Variants in TTN observed in about 807,000 individuals in gnomAD.
The protein encoded by TTN is connectin.
A neutral mutation model predicts 3,223.0 loss-of-function variants in TTN; 1,525 were observed. That is an observed-to-expected ratio of 0.47 (90% CI 0.45 to 0.49). The LOEUF (loss-of-function observed/expected upper bound fraction) is 0.49. Among genes scored for constraint, TTN ranks in the 20% least tolerant of loss-of-function variants. The pLI is 0.00. For synonymous variants in TTN, 14,094 were observed against 15,161.0 expected, an observed-to-expected ratio of 0.93 and a Z score of 5.17; for missense variants, 40,786 against 43,424.0, an observed-to-expected ratio of 0.94 and a Z score of 5.40.
chr2:178,596,840 G>C (rs6738296), intron 294 of TTN, among the ~76,000 whole-genome samples: 2 of 151,976 alleles, frequency 1.3e-5, no homozygotes, highest in African/African-American at 2.4e-5. Flanking sequence ...CGTGTTCTGA[G>C]CAAATCACTG....
rs1462816524 is a variant in TTN, at chr2:178,663,652, T to C, written c.36507A>G (p.Lys12169=). The C allele has an allele frequency of 1.2e-6, 2 of 1,613,550 alleles. No homozygotes were observed. Among genetic ancestry groups the C allele is most frequent in the Admixed American group, 3.3e-5 (2 of 59,942 alleles). Residue 12169 remains lysine (K), a synonymous_variant, in exon 171 of 363, where the codon AAA becomes AAG. Coordinates refer to ENST00000589042, the MANE Select transcript of TTN (RefSeq NM_001267550.2). ...PEKKAPVAPP[K]EPEVPPVKVP... is the part of the protein sequence containing the mutation. The stretch of plus-strand genomic sequence containing the variant: ...CTTTAACAGGTGGGACTTCAGGCTC[T>C]TTAGGAGGAGCCACTGGCGCTTTCT...
At chr2:178,644,527 A>G (rs542654658) in intron 218 of TTN, 21 bp downstream of exon 218, 5 of 1,556,700 alleles carry the variant, frequency 3.2e-6, no homozygotes, top group African/African-American at 2.8e-5. Context: ...ATAAGTATGT[A>G]TTTTTCAGCC....
At chr2:178,804,172 C>T (rs1575031492) in intron 2 of TTN, among the ~76,000 whole-genome samples, 1 of 152,318 alleles carries the variant, frequency 6.6e-6, no homozygotes, top group Admixed American at 6.5e-5. Context: ...CCCAGACTGC[C>T]TACCCCATGG....
In TTN at chr2:178,581,481, C is replaced by A; in HGVS notation, c.66769+18G>T. On this transcript the variant is annotated intron_variant, in intron 316 of 362. Coordinates refer to ENST00000589042, the MANE Select transcript of TTN (RefSeq NM_001267550.2). ...ATTAATAGGAAAAGCCTTATGTACT[C>A]CCCCTGGTAATACTTACTTAAGATG... The A allele has an allele frequency of 1.3e-6, 2 of 1,565,264 alleles. No homozygotes were observed. The highest frequency in any genetic ancestry group is 1.7e-6 in the Non-Finnish European group (2 of 1,151,672).
At position 178,746,132 on chromosome 2, in the gene TTN, T is replaced by A; in HGVS notation, c.11312-4211A>T. The A allele has an allele frequency of 1.2e-6, 2 of 1,613,490 alleles. No homozygotes were observed. Among genetic ancestry groups the A allele is most frequent in the Non-Finnish European group, 1.7e-6 (2 of 1,179,600 alleles). ...CTCGCTAATCACGTATTTAATATTA[T>A]CTGGCTCAATACACATATATTCTTT... On this transcript the variant is annotated intron_variant, in intron 47 of 362. Transcript: ENST00000589042.
In TTN at chr2:178,580,083, A is replaced by C; in HGVS notation, c.67204T>G (p.Ser22402Ala). Residue 22402 changes from serine to alanine, a missense_variant, in exon 318 of 363, where the codon TCT (serine) becomes GCT (alanine). Physicochemically the swap from Ser to Ala is moderately conservative, Grantham distance 99. Coordinates refer to ENST00000589042, the MANE Select transcript of TTN (RefSeq NM_001267550.2). ...QKRDAERKSW[S>A]TVTTECSKTS... ...TTGGAGCACTCAGTTGTCACTGTAGACCAGGATTTCCTCTCTGCATCACGT... is the reference window on the plus strand; with the variant it reads ...TTGGAGCACTCAGTTGTCACTGTAGCCCAGGATTTCCTCTCTGCATCACGT... 1 of 1,613,366 alleles carries C rather than the reference A, an allele frequency of 6.2e-7. No homozygotes were observed. Among genetic ancestry groups the C allele is most frequent in the Non-Finnish European group, 8.5e-7 (1 of 1,179,486 alleles).
At chr2:178,605,385 A>T (rs777241984) in intron 279 of TTN, 29 bp downstream of exon 279, 1 of 1,547,010 alleles carries the variant, frequency 6.5e-7, no homozygotes, top group Non-Finnish European at 8.7e-7. Flanking sequence ...AAAATGCATT[A>T]AAATTATTAT....
At position 178,777,214 on chromosome 2, in the gene TTN, G is replaced by C; in HGVS notation, c.4749C>G (p.Pro1583=). The C allele has an allele frequency of 6.2e-7, 1 of 1,614,082 alleles. No individual in the cohort carries two copies. The highest frequency in any genetic ancestry group is 8.5e-7 in the Non-Finnish European group (1 of 1,179,970). Residue 1583 remains proline (P), a synonymous_variant, in exon 27 of 363, where the codon CCC becomes CCG. Coordinates refer to ENST00000589042, the MANE Select transcript of TTN (RefSeq NM_001267550.2). ...LEMKVRATGN[P]NPDIVWLKNS... ...TTTTCAACCATACAATGTCAGGGTT[G>C]GGGTTACCCGTAGCTCTGACTTTCA...
Position 178,605,438 on chromosome 2 carries a change from T to C in TTN, c.53857A>G (p.Asn17953Asp). The C allele has an allele frequency of 6.2e-7, 1 of 1,606,442 alleles. No homozygotes were observed. The highest frequency in any genetic ancestry group is 1.7e-5 in the Admixed American group (1 of 59,564). ...IGESEPSLPL[N>D]VVIQDDEVPP... ...CCTTCATCATCTTGTATGACTACAT[T>C]AAGAGGTAGGGATGGTTCACTTTCA... Residue 17953 changes from asparagine to aspartate, a missense_variant, in exon 279 of 363, where the codon AAT becomes GAT. Coordinates refer to ENST00000589042, the MANE Select transcript of TTN (RefSeq NM_001267550.2).
At chr2:178,720,731 A>G (rs951179165) in intron 79 of TTN, 68 bp from the exon 80 acceptor site, 1 of 1,451,622 alleles carries the variant, frequency 6.9e-7, no homozygotes, top group Non-Finnish European at 9.1e-7. Context: ...AATTAAATCT[A>G]GAACCTTGAA....
intron 47 of TTN, chr2:178,749,966 T>C (rs767026640): frequency 5.0e-6 from 8 of 1,613,210 alleles, no homozygotes; most frequent in Non-Finnish European, 5.9e-6. Flanking sequence ...TACAAATCTG[T>C]GTTTTGGTGA....
At chr2:178,619,012 A>G in intron 250 of TTN, 159 bp from the exon 251 acceptor site, 1 of 990,018 alleles carries the variant, frequency 1.0e-6, no homozygotes, top group South Asian at 1.7e-5. Flanking sequence ...GAGTTCTCAT[A>G]GCTTTTTGTT....
chr2:178,761,953 T>G (rs1161982430), intron 43 of TTN, among the ~76,000 whole-genome samples: 1 of 152,194 alleles, frequency 6.6e-6, no homozygotes, highest in Non-Finnish European at 1.5e-5. Flanking sequence ...TTTAAGATTC[T>G]GCTTTTCCAA....
Position 178,779,279 on chromosome 2 carries a change from C to A in TTN, c.3913G>T (p.Gly1305Trp), listed in dbSNP as rs199889888. 4.0e-5 allele frequency: 65 copies of A among 1,613,724 alleles called. No individual in the cohort carries two copies. In the Middle Eastern group the frequency reaches 4.9e-4, roughly 12 times the overall value. The change falls in exon 23 of 363, where the codon GGG (glycine) becomes TGG (tryptophan). Residue 1305 changes from glycine to tryptophan, a missense_variant. Transcript: ENST00000589042. ...TTGCAATGAAAAGTGACACCCATCC[C>A]CTCAAGAATTCTATAATTCTTGATT... ...SRIKNYRILE[G>W]MGVTFHCKMS...
At chr2:178,650,065 G>A in intron 210 of TTN, 99 bp downstream of exon 210, 1 of 1,312,074 alleles carries the variant, frequency 7.6e-7, no homozygotes, top group Non-Finnish European at 1.1e-6. Context: ...CAGATTTCAG[G>A]CAACAAGATA....
rs1369120510 is a variant in TTN, at chr2:178,586,508, G to A, written c.64393C>T (p.Leu21465=). Residue 21465 remains leucine (L), a synonymous_variant, in exon 308 of 363, where the codon CTG becomes TTG. Coordinates refer to ENST00000589042, the MANE Select transcript of TTN (RefSeq NM_001267550.2). ...AAATGAAGCAAAGACTACTTACACA[G>A]TTGTTCTTTGGCTTCATACACTCCT... ...AEGVYEAKEQ[L]LPPKILMPEQ... is the part of the protein sequence containing the mutation. The A allele has an allele frequency of 1.2e-6, 2 of 1,612,672 alleles. No individual in the cohort carries two copies. Among genetic ancestry groups the A allele is most frequent in the African/African-American group, 2.7e-5 (2 of 74,812 alleles).
intron 288 of TTN, 170 bp downstream of exon 288, chr2:178,600,684 A>G (rs1428954847): frequency 1.3e-6 from 1 of 774,998 alleles, no homozygotes; most frequent in Non-Finnish European, 2.2e-6. Context: ...GAATGTGAAA[A>G]TTCTGTGGAA....
At position 178,651,940 on chromosome 2, in the gene TTN, A is replaced by G; in HGVS notation, c.39323T>C (p.Leu13108Pro). ...EVFEEPEEVA[L>P]EEPPAEVVEE... ...CACAACTTCAGCAGGAGGCTCTTCT[A>G]GGGCAACTTCCTCAGGCTCCTCGAA... The change falls in exon 205 of 363, where the codon CTA becomes CCA. Residue 13108 changes from leucine to proline, a missense_variant. Physicochemically the swap from Leu to Pro is moderately conservative, Grantham distance 98. Transcript: ENST00000589042. 6.2e-7 allele frequency: 1 copy of G among 1,610,288 alleles called. No individual in the cohort carries two copies.
Position 178,769,660 on chromosome 2 carries a change from TA to T in TTN, c.8902+18del, listed in dbSNP as rs201200643. ...TTTTATATATATGTGTATATATATATATATATTTTTTAACTTACGGGTGACT... is the reference window on the plus strand; with the variant it reads ...TTTTATATATATGTGTATATATATATTATATTTTTTAACTTACGGGTGACT... On this transcript the variant is annotated intron_variant, in intron 37 of 362. Transcript: ENST00000589042. 5.9e-4 allele frequency: 928 copies of T among 1,560,096 alleles called. 6 individuals carry two copies. In the East Asian group the frequency reaches 9.4e-3, roughly 16 times the overall value.
Sources: allele counts gnomAD v4.1 joint callset (sites outside exome capture counted in the v4.1 genomes callset), GRCh38; gene constraint gnomAD v4.1.1; transcripts MANE v1.5; gene names NCBI Gene and HGNC (gene_info 2026-07-23, HGNC 2026-07-21).